The following C8orf74 variants were observed in gnomAD, a reference collection of about 807,000 sequenced individuals.
C8orf74 encodes uncharacterized protein C8orf74.
In C8orf74, 29 loss-of-function variants were observed where a neutral mutation model predicts 22.2. The ratio of observed to expected loss-of-function variants is 1.31; its 90% CI spans 0.97 to 1.78. C8orf74 has a LOEUF of 1.78. Ranked by LOEUF, C8orf74 falls within the 40% of genes most tolerant of loss-of-function variation. C8orf74 has a pLI of 0.00. For missense variants in C8orf74, 515 were observed against 369.9 expected, an observed-to-expected ratio of 1.39 and a Z score of -3.22; for synonymous variants, 255 against 163.1, an observed-to-expected ratio of 1.56 and a Z score of -4.30.
At chr8:10,687,138 A>AT (rs968626990) in intron 2 of C8orf74, 6 of 456,168 alleles carry the variant, frequency 1.3e-5, no homozygotes, top group African/African-American at 1.2e-4. Flanking sequence ...CAGAGGCCTG[A>AT]TGATGGCAAT....
chr8:10,673,312 G>A (rs1054847060), intron 1 of C8orf74, among the ~76,000 whole-genome samples: 1 of 152,144 alleles, frequency 6.6e-6, no homozygotes, highest in Non-Finnish European at 1.5e-5. Context: ...CATCTGCTGG[G>A]AGCCTATAAG....
At chr8:10,690,370 G>A (rs965125324) in intron 2 of C8orf74, among the ~76,000 whole-genome samples, 6 of 152,056 alleles carry the variant, frequency 3.9e-5, no homozygotes, top group Non-Finnish European at 5.9e-5. Flanking sequence ...CAGGGGTGAA[G>A]GAGTTTAGTA....
intron 2 of C8orf74, chr8:10,692,947 C>T (rs7828426): frequency 0.15 from 23,089 of 152,244 alleles, 5,576 homozygotes; most frequent in African/African-American, 0.51. Flanking sequence ...ACAAATCACA[C>T]AAGTAAAATG....
intron 2 of C8orf74, among the ~76,000 whole-genome samples, chr8:10,697,379 G>A (rs938615025): frequency 5.9e-5 from 9 of 152,248 alleles, no homozygotes; most frequent in East Asian, 3.9e-4. Context: ...CGGCTGCAGC[G>A]AGCTGCAGCT....
intron 2 of C8orf74, among the ~76,000 whole-genome samples, chr8:10,676,004 G>C (rs1203835883): frequency 2.0e-5 from 3 of 152,120 alleles, no homozygotes; most frequent in Admixed American, 2.0e-4. Context: ...GTGAGGGTCT[G>C]GATCGGATGG....
At chr8:10,699,682 G>A (rs1468231023) in intron 3 of C8orf74, among the ~76,000 whole-genome samples, 2 of 152,208 alleles carry the variant, frequency 1.3e-5, no homozygotes, top group African/African-American at 4.8e-5. Flanking sequence ...GGCTGGCTGG[G>A]TGGAGGACAC....
At position 10,674,682 on chromosome 8, in the gene C8orf74, A is replaced by C; in HGVS notation, c.85A>C (p.Asn29His). The C allele has an allele frequency of 6.2e-7, 1 of 1,610,320 alleles. No individual in the cohort carries two copies. Among genetic ancestry groups the C allele is most frequent in the Non-Finnish European group, 8.5e-7 (1 of 1,178,390 alleles). Residue 29 changes from asparagine (N) to histidine (H), a missense_variant, in exon 2 of 4, where the codon AAC becomes CAC. Asn to His is a moderately conservative substitution (Grantham distance 68, BLOSUM62 1). Coordinates refer to ENST00000304519, the MANE Select transcript of C8orf74 (RefSeq NM_001040032.2). ...TCGGGAGCGCCTGCGGAGGCTTCTG[A>C]ACTGGGAGGAGTTTGACGAACAGAG... is the stretch of plus-strand genomic sequence containing the variant. ...QGRERLRRLL[N>H]WEEFDEQRDS... is the part of the protein sequence containing the mutation.
intron 2 of C8orf74, among the ~76,000 whole-genome samples, chr8:10,683,984 G>A (rs1481904222): frequency 1.3e-5 from 2 of 152,166 alleles, no homozygotes; most frequent in African/African-American, 4.8e-5. Context: ...AAATCCCTGC[G>A]TGCTAAGGAG....
intron 1 of C8orf74, among the ~76,000 whole-genome samples, chr8:10,674,224 C>G (rs1327238489): frequency 8.1e-6 from 1 of 123,182 alleles, no homozygotes; most frequent in Non-Finnish European, 1.7e-5. Context: ...TCATGCCCCA[C>G]AACCCCATAT....
chr8:10,696,327 G>T (rs1346503532), intron 2 of C8orf74, among the ~76,000 whole-genome samples: 1 of 151,876 alleles, frequency 6.6e-6, no homozygotes, highest in East Asian at 1.9e-4. Context: ...TTTGCATGGG[G>T]TAAATAATAT....
chr8:10,700,375 C>G lies in C8orf74; in HGVS notation c.789C>G (p.Thr263=), dbSNP rs767419658. 1.9e-6 allele frequency: 3 copies of G among 1,608,496 alleles called. No individual in the cohort carries two copies. Residue 263 remains threonine, a synonymous_variant, in exon 4 of 4, where the codon ACC becomes ACG. Transcript: ENST00000304519. ...QKKTLNLNAP[T]PIPPPITSHA... ...AGACTCTGAACCTCAACGCCCCCAC[C>G]CCTATCCCGCCCCCCATCACCAGCC...
chr8:10,674,258 T>C (rs1341358048), intron 1 of C8orf74, among the ~76,000 whole-genome samples: 4 of 117,152 alleles, frequency 3.4e-5, no homozygotes, highest in Non-Finnish European at 3.4e-5. Context: ...CCTCATATCA[T>C]ACCCTGCAGC....
intron 2 of C8orf74, chr8:10,689,879 G>C (rs1266827556): frequency 1.3e-5 from 2 of 152,188 alleles, no homozygotes; most frequent in African/African-American, 2.4e-5. Flanking sequence ...GGGAGGAAGA[G>C]GAGGGGTTGG....
At chr8:10,687,152 G>A (rs567236647) in intron 2 of C8orf74, 18 of 456,142 alleles carry the variant, frequency 3.9e-5, no homozygotes, top group South Asian at 1.7e-4. Context: ...TGGCAATGAC[G>A]GTGACAATGG....
In C8orf74 at chr8:10,677,612, G is replaced by C. The variant is rs547326357; in HGVS notation, c.241+2774G>C. 3.3e-5 allele frequency among the ~76,000 whole-genome samples: 5 copies of C among 151,782 alleles called. No individual in the cohort carries two copies. The East Asian group carries it at 9.7e-4, about 29-fold the overall frequency. ...ATTTTAATATGACATCATTCCCATA[G>C]ACCCTGCCCCCACCACCTCCTAACT... On this transcript the variant is annotated intron_variant, in intron 2 of 3. Transcript: ENST00000304519.
At position 10,674,674 on chromosome 8, in the gene C8orf74, G is replaced by C. The variant is rs1369200425; in HGVS notation, c.77G>C (p.Arg26Thr). The change falls in exon 2 of 4, where the codon AGG becomes ACG. Residue 26 changes from arginine to threonine, a missense_variant. Transcript: ENST00000304519. ...CCACAAGGTCGGGAGCGCCTGCGGA[G>C]GCTTCTGAACTGGGAGGAGTTTGAC... The part of the protein sequence containing the change: ...QRPQGRERLR[R>T]LLNWEEFDEQ... 2.5e-6 allele frequency: 4 copies of C among 1,610,354 alleles called. No homozygotes were observed. Among genetic ancestry groups the C allele is most frequent in the Non-Finnish European group, 3.4e-6 (4 of 1,178,378 alleles).
intron 2 of C8orf74, among the ~76,000 whole-genome samples, chr8:10,697,085 C>T (rs1475661817): frequency 6.6e-6 from 1 of 151,832 alleles, no homozygotes; most frequent in Non-Finnish European, 1.5e-5. Flanking sequence ...TAAGTTACTG[C>T]AAGTAAAAAA....
At chr8:10,675,233 G>A (rs1432328881) in intron 2 of C8orf74, among the ~76,000 whole-genome samples, 3 of 152,198 alleles carry the variant, frequency 2.0e-5, no homozygotes, top group Admixed American at 6.5e-5. Flanking sequence ...TGCAGGTGCC[G>A]GGGGAGTCCT....
rs1363656820 is a variant in C8orf74 at position 10,700,325 on chromosome 8, A to G, written c.739A>G (p.Ile247Val). The change falls in exon 4 of 4, where the codon ATC becomes GTC. Residue 247 changes from isoleucine (I) to valine (V), a missense_variant. By Grantham distance (29) the Ile-to-Val change is conservative. Coordinates refer to ENST00000304519, the MANE Select transcript of C8orf74 (RefSeq NM_001040032.2). ...LQRQIQNTFA[I>V]LDLKLQKKTL... ...GCGCCAGATCCAGAACACATTCGCC[A>G]TCTTGGACCTGAAGCTTCAGAAGAA... 1 of 1,613,842 alleles carries G rather than the reference A, an allele frequency of 6.2e-7. No individual in the cohort carries two copies. Among genetic ancestry groups the G allele is most frequent in the Non-Finnish European group, 8.5e-7 (1 of 1,179,816 alleles).
Sources: gnomAD v4.1 joint callset for allele counts (sites outside exome capture counted in the v4.1 genomes callset) on GRCh38, gnomAD v4.1.1 for gene constraint, MANE v1.5 for transcripts, NCBI Gene and HGNC (gene_info 2026-07-23, HGNC 2026-07-21) for gene names.